Variants in PAN3 observed in about 807,000 individuals in gnomAD.
PAN3 encodes PAN2-PAN3 deadenylation complex subunit PAN3.
Under a neutral mutation model 96.2 loss-of-function variants are expected in PAN3, and 19 were observed. The ratio of observed to expected loss-of-function variants is 0.20; its 90% CI spans 0.14 to 0.29. PAN3 has a LOEUF of 0.29. PAN3 is among the 10% of genes least tolerant of loss of function. The pLI is 1.00. For missense variants in PAN3, 882 were observed against 1,108.1 expected (o/e 0.80, Z 2.90); for synonymous variants, 433 against 406.6 (o/e 1.06, Z -0.78).
intron 6 of PAN3, among the ~76,000 whole-genome samples, chr13:28,240,315 A>G (rs1216178045): frequency 6.6e-6 from 1 of 152,176 alleles, no homozygotes; most frequent in Non-Finnish European, 1.5e-5. Context: ...TTCATACCCT[A>G]ATTTTCTGGG....
At chr13:28,199,301 T>G (rs1329151799) in intron 5 of PAN3, among the ~76,000 whole-genome samples, 1 of 152,064 alleles carries the variant, frequency 6.6e-6, no homozygotes, top group African/African-American at 2.4e-5. Context: ...GCCCCCATTA[T>G]CCTGGTGGCA....
chr13:28,191,951 G>A (rs1355589846), intron 4 of PAN3, among the ~76,000 whole-genome samples: 1 of 151,962 alleles, frequency 6.6e-6, no homozygotes, highest in Admixed American at 6.6e-5. Context: ...TGTTGCCCAG[G>A]CTGATCTTGA....
At chr13:28,158,538 G>A (rs1455485902) in intron 1 of PAN3, among the ~76,000 whole-genome samples, 6 of 152,162 alleles carry the variant, frequency 3.9e-5, no homozygotes, top group African/African-American at 1.4e-4. Context: ...ATGAACAGAC[G>A]CTTTTCAGAA....
At chr13:28,158,901 G>A (rs1371325416) in intron 1 of PAN3, among the ~76,000 whole-genome samples, 6 of 150,400 alleles carry the variant, frequency 4.0e-5, no homozygotes, top group East Asian at 1.9e-4. Context: ...AAAGCTCAAC[G>A]TCACTAATCA....
intron 6 of PAN3, among the ~76,000 whole-genome samples, chr13:28,223,380 CTT>C (rs1881607473): frequency 1.3e-5 from 2 of 152,042 alleles, no homozygotes; most frequent in South Asian, 4.1e-4. Flanking sequence ...TTCTAAGTAT[CTT>C]TTGTGAAGTT....
chr13:28,283,477 C>G (rs537389690), intron 17 of PAN3, among the ~76,000 whole-genome samples: 22 of 152,250 alleles, frequency 1.4e-4, no homozygotes, highest in African/African-American at 5.1e-4. Flanking sequence ...TATCTATTCC[C>G]AGTTTCCCCC....
rs1869192738 is a variant in PAN3, at chr13:28,138,987, G to T, written c.330G>T (p.Pro110=). Residue 110 remains proline, a synonymous_variant, in exon 1 of 19, where the codon CCG becomes CCT. Coordinates refer to ENST00000380958, the MANE Select transcript of PAN3 (RefSeq NM_175854.8). ...PGAVAGGGAG[P]PPGPKKPDLG... ...CCGTCGCGGGCGGGGGAGCTGGGCCGCCCCCCGGGCCCAAGAAGCCGGACC... is the reference window on the plus strand; with the variant it reads ...CCGTCGCGGGCGGGGGAGCTGGGCCTCCCCCCGGGCCCAAGAAGCCGGACC... 1 of 1,267,806 alleles carries T rather than the reference G, an allele frequency of 7.9e-7. No individual in the cohort carries two copies. 78.5% of individuals were successfully genotyped at this position (1,267,806 alleles called of 1,614,324 possible).
intron 1 of PAN3, among the ~76,000 whole-genome samples, chr13:28,155,307 CAT>C (rs549425445): frequency 4.9e-4 from 74 of 152,154 alleles, no homozygotes; most frequent in African/African-American, 1.7e-3. Context: ...AATACAAAGA[CAT>C]ATCAGGCCGG....
At chr13:28,192,988 G>C (rs887239398) in intron 4 of PAN3, among the ~76,000 whole-genome samples, 7 of 152,128 alleles carry the variant, frequency 4.6e-5, no homozygotes, top group African/African-American at 1.7e-4. Context: ...CCTTAGGGCA[G>C]GAGTGTCCAA....
intron 6 of PAN3, among the ~76,000 whole-genome samples, chr13:28,243,360 A>AT (rs1217252535): frequency 2.0e-5 from 3 of 152,236 alleles, no homozygotes; most frequent in East Asian, 1.9e-4. Flanking sequence ...TTCATGAGGC[A>AT]TTTATTCAGT....
intron 6 of PAN3, among the ~76,000 whole-genome samples, chr13:28,241,412 A>G (rs571244055): frequency 1.2e-4 from 19 of 152,306 alleles, no homozygotes; most frequent in East Asian, 3.9e-4. Flanking sequence ...TTTAATTGCA[A>G]TAGTAATTAT....
intron 4 of PAN3, among the ~76,000 whole-genome samples, chr13:28,185,065 C>T (rs1876284969): frequency 1.3e-5 from 2 of 152,000 alleles, no homozygotes; most frequent in African/African-American, 2.4e-5. Flanking sequence ...GTTAGTAATT[C>T]GAATATAAAG....
At chr13:28,217,014 T>G (rs1880858758) in intron 5 of PAN3, among the ~76,000 whole-genome samples, 1 of 151,378 alleles carries the variant, frequency 6.6e-6, no homozygotes, top group Non-Finnish European at 1.5e-5. Flanking sequence ...CTCTGGAGGC[T>G]GAGGCAGGAG....
intron 6 of PAN3, among the ~76,000 whole-genome samples, chr13:28,227,091 G>A (rs1882084657): frequency 6.6e-6 from 1 of 152,186 alleles, no homozygotes; most frequent in Non-Finnish European, 1.5e-5. Context: ...ATGCCCCTGG[G>A]AAATTTACTA....
At chr13:28,215,243 C>T in intron 5 of PAN3, 1 of 711,508 alleles carries the variant, frequency 1.4e-6, no homozygotes, top group Non-Finnish European at 2.6e-6. Context: ...GTCCAACTGA[C>T]AAGTCCTTGC....
At position 28,139,949 on chromosome 13, in the gene PAN3, TG is replaced by T. The variant is rs572903388; in HGVS notation, c.430+863del. Among the ~76,000 whole-genome samples, 30 of 147,078 alleles carry T rather than the reference TG, an allele frequency of 2.0e-4. No homozygotes were observed. In the East Asian group the frequency reaches 4.3e-3, roughly 21 times the overall value. ...TTTCTTTTTCATGTGTTGTTGTTGT[TG>T]TTGTTGTTGTTGTTTTGGAGAGAGT... On this transcript the variant is annotated intron_variant, in intron 1 of 18. Coordinates refer to ENST00000380958, the MANE Select transcript of PAN3 (RefSeq NM_175854.8).
chr13:28,196,268 A>T (rs1333036287), intron 4 of PAN3, among the ~76,000 whole-genome samples: 1 of 152,160 alleles, frequency 6.6e-6, no homozygotes, highest in African/African-American at 2.4e-5. Context: ...GTTTAAATTA[A>T]TTACCTTCCT....
intron 5 of PAN3, among the ~76,000 whole-genome samples, chr13:28,205,120 G>A (rs769158670): frequency 6.6e-6 from 1 of 151,338 alleles, no homozygotes; most frequent in Non-Finnish European, 1.5e-5. Flanking sequence ...GTGGGTGGTT[G>A]GAAACTCACT....
At chr13:28,276,786 G>A (rs944830281) in intron 14 of PAN3, among the ~76,000 whole-genome samples, 1 of 152,164 alleles carries the variant, frequency 6.6e-6, no homozygotes, top group African/African-American at 2.4e-5. Context: ...GGGAGTTACA[G>A]AAAATGAGCA....
Sources: allele counts gnomAD v4.1 joint callset (sites outside exome capture counted in the v4.1 genomes callset), GRCh38; gene constraint gnomAD v4.1.1; transcripts MANE v1.5; gene names NCBI Gene and HGNC (gene_info 2026-07-23, HGNC 2026-07-21).